RIT2: variants seen among roughly 807,000 people sequenced by gnomAD.
RIT2 encodes the protein Ras like without CAAX 2.
Under a neutral mutation model 23.7 loss-of-function variants are expected in RIT2, and 24 were observed. The observed-to-expected ratio is 1.01, with a 90% CI of 0.73 to 1.43. The LOEUF is 1.43. Ranked by LOEUF, RIT2 falls within the 40% of genes most tolerant of loss-of-function variation. The probability of loss-of-function intolerance (pLI) is 0.00; values close to 1 mark genes in which losing one functional copy is unlikely to be tolerated. For missense variants in RIT2, 236 were observed against 266.9 expected, an observed-to-expected ratio of 0.88 and a Z score of 0.81; for synonymous variants, 107 against 91.1, an observed-to-expected ratio of 1.17 and a Z score of -0.99.
intron 2 of RIT2, among the ~76,000 whole-genome samples, chr18:42,981,973 C>A (rs546183998): frequency 1.3e-5 from 2 of 152,140 alleles, no homozygotes; most frequent in Admixed American, 6.5e-5. Flanking sequence ...GAAACACTGT[C>A]ATGAACAACC....
intron 4 of RIT2, among the ~76,000 whole-genome samples, chr18:42,906,797 T>C (rs1419225653): frequency 6.6e-6 from 1 of 152,186 alleles, no homozygotes; most frequent in Non-Finnish European, 1.5e-5. Context: ...TTTGTTTCCC[T>C]CATTAAGAGA....
intron 4 of RIT2, among the ~76,000 whole-genome samples, chr18:42,747,280 G>A (rs1178650356): frequency 6.6e-6 from 1 of 151,726 alleles, no homozygotes; most frequent in Non-Finnish European, 1.5e-5. Context: ...AAATCAATAA[G>A]ATAACCTGTT....
intron 2 of RIT2, among the ~76,000 whole-genome samples, chr18:43,007,152 A>C (rs1911247115): frequency 6.6e-6 from 1 of 151,738 alleles, no homozygotes; most frequent in Non-Finnish European, 1.5e-5. Context: ...CCTTCTTGAT[A>C]AAATGATATA....
At position 43,012,717 on chromosome 18, in the gene RIT2, T is replaced by C. The variant is rs980333927; in HGVS notation, c.160+21094A>G. Among the ~76,000 whole-genome samples, 9 of 112,336 alleles carry C rather than the reference T, an allele frequency of 8.0e-5. No homozygotes were observed. The East Asian group carries it at 2.4e-3, about 30-fold the overall frequency. The allele number at this position is 112,336 out of a possible 152,430, so 73.7% of individuals were successfully genotyped here. A position where few individuals can be genotyped will look rare whatever the true frequency, so the allele number is the denominator to read the frequency against. ...GTATGATTATAGAGAGTAATTTTTA[T>C]TCAACATTTATCTAAAGTTTATAAA... is the stretch of plus-strand genomic sequence containing the variant. On this transcript the variant is annotated intron_variant, in intron 2 of 4. Transcript: ENST00000326695.
At chr18:42,900,487 C>T (rs1346767376) in intron 4 of RIT2, among the ~76,000 whole-genome samples, 3 of 151,928 alleles carry the variant, frequency 2.0e-5, no homozygotes, top group African/African-American at 7.2e-5. Flanking sequence ...TTGCACTATG[C>T]CTTTTTAAAA....
intron 2 of RIT2, among the ~76,000 whole-genome samples, chr18:43,027,558 C>T (rs1911762281): frequency 6.6e-6 from 1 of 151,820 alleles, no homozygotes; most frequent in Non-Finnish European, 1.5e-5. Flanking sequence ...GAAGTATCTT[C>T]TGGGTGGGAG....
chr18:42,907,382 C>T lies in RIT2; in HGVS notation c.426+16190G>A, dbSNP rs150509226. ...ATGATGGAAGTGGACAAGGATCCTG[C>T]TTAGATAAAAGAAGACATTGTAATT... On this transcript the variant is annotated intron_variant, in intron 4 of 4. Coordinates refer to ENST00000326695, the MANE Select transcript of RIT2 (RefSeq NM_002930.4). Among the ~76,000 whole-genome samples the T allele has an allele frequency of 4.6e-3, 699 of 152,128 alleles. 6 individuals carry two copies. Among genetic ancestry groups the T allele is most frequent in the African/African-American group, 0.011 (440 of 41,510 alleles).
At chr18:42,828,057 A>G (rs1314915792) in intron 4 of RIT2, among the ~76,000 whole-genome samples, 1 of 151,880 alleles carries the variant, frequency 6.6e-6, no homozygotes, top group Middle Eastern at 3.4e-3. Context: ...CCACAATGAA[A>G]TGCCATTTTA....
chr18:43,007,329 G>A (rs1355873190), intron 2 of RIT2, among the ~76,000 whole-genome samples: 1 of 151,658 alleles, frequency 6.6e-6, no homozygotes, highest in Non-Finnish European at 1.5e-5. Flanking sequence ...TGAAAAGAAT[G>A]GGGCCAGCAT....
intron 4 of RIT2, among the ~76,000 whole-genome samples, chr18:42,859,980 A>T (rs921191566): frequency 1.6e-5 from 2 of 127,086 alleles, no homozygotes; most frequent in Non-Finnish European, 3.0e-5. Flanking sequence ...TCCTTGATTT[A>T]AAAAAAAAAA....
chr18:43,013,206 T>C (rs898583366), intron 2 of RIT2, among the ~76,000 whole-genome samples: 1 of 151,888 alleles, frequency 6.6e-6, no homozygotes, highest in Admixed American at 6.6e-5. Context: ...AAGATTCTTA[T>C]TTGAACGCCA....
intron 4 of RIT2, among the ~76,000 whole-genome samples, chr18:42,913,532 AAAG>A (rs1908826842): frequency 6.6e-6 from 1 of 152,014 alleles, no homozygotes; most frequent in Admixed American, 6.6e-5. Flanking sequence ...TAAACTTAAA[AAAG>A]AAACAATCCA....
chr18:42,903,559 CATTT>C (rs1386580204), intron 4 of RIT2, among the ~76,000 whole-genome samples: 14 of 152,068 alleles, frequency 9.2e-5, no homozygotes, highest in African/African-American at 3.1e-4. Context: ...GAATATACGA[CATTT>C]ATTTACAAAA....
At chr18:42,893,343 A>G (rs951255247) in intron 4 of RIT2, among the ~76,000 whole-genome samples, 4 of 152,264 alleles carry the variant, frequency 2.6e-5, no homozygotes, top group South Asian at 2.1e-4. Flanking sequence ...TGGAGGCTGG[A>G]AAGTCCAAGA....
At chr18:42,860,718 T>C (rs1907303993) in intron 4 of RIT2, among the ~76,000 whole-genome samples, 1 of 152,140 alleles carries the variant, frequency 6.6e-6, no homozygotes, top group Admixed American at 6.5e-5. Flanking sequence ...AGCTTAGTAA[T>C]GAACCCTGGT....
intron 3 of RIT2, among the ~76,000 whole-genome samples, chr18:42,927,821 T>C (rs1400619614): frequency 6.6e-6 from 1 of 152,100 alleles, no homozygotes; most frequent in Non-Finnish European, 1.5e-5. Flanking sequence ...TACTCCCTTG[T>C]ATTAAAATTG....
intron 1 of RIT2, among the ~76,000 whole-genome samples, chr18:43,102,468 T>TC (rs1913709669): frequency 6.7e-6 from 1 of 148,896 alleles, no homozygotes; most frequent in African/African-American, 2.5e-5. Context: ...TTTTTTTTTT[T>TC]CCGGAGAGTA....
intron 4 of RIT2, among the ~76,000 whole-genome samples, chr18:42,889,606 A>AT (rs982984572): frequency 4.0e-4 from 60 of 151,604 alleles, no homozygotes; most frequent in South Asian, 8.3e-4. Context: ...AAAATCAGTG[A>AT]TTTTTTTTTG....
At chr18:42,864,081 G>A (rs533625284) in intron 4 of RIT2, among the ~76,000 whole-genome samples, 1 of 151,116 alleles carries the variant, frequency 6.6e-6, no homozygotes, top group African/African-American at 2.4e-5. Flanking sequence ...CTGTTAAACA[G>A]AGTCAATCAG....
Sources: gnomAD v4.1 joint callset for allele counts (sites outside exome capture counted in the v4.1 genomes callset) on GRCh38, gnomAD v4.1.1 for gene constraint, MANE v1.5 for transcripts, NCBI Gene and HGNC (gene_info 2026-07-23, HGNC 2026-07-21) for gene names.